The following CNTN5 variants were observed in gnomAD, a reference collection of about 807,000 sequenced individuals.
The protein encoded by CNTN5 is contactin-5.
Under a neutral mutation model 129.1 loss-of-function variants are expected in CNTN5, and 77 were observed. The ratio of observed to expected loss-of-function variants is 0.60; its 90% CI spans 0.50 to 0.72. The LOEUF (loss-of-function observed/expected upper bound fraction) is 0.72. Among genes scored for constraint, CNTN5 ranks in the 30% least tolerant of loss-of-function variants. The pLI is 0.00. For synonymous variants in CNTN5, 509 were observed against 465.6 expected (o/e 1.09, Z -1.20); for missense variants, 1,478 against 1,328.8 (o/e 1.11, Z -1.75).
intron 2 of CNTN5, among the ~76,000 whole-genome samples, chr11:99,377,944 T>C (rs1940288911): frequency 6.6e-6 from 1 of 152,150 alleles, no homozygotes; most frequent in Non-Finnish European, 1.5e-5. Flanking sequence ...CTTGAAAATA[T>C]CTATGAGAAA....
At chr11:99,205,424 TGTGTCTG>T (rs1460869160) in intron 1 of CNTN5, among the ~76,000 whole-genome samples, 4 of 152,100 alleles carry the variant, frequency 2.6e-5, no homozygotes, top group Admixed American at 6.5e-5. Context: ...TCCCCAAGAT[TGTGTCTG>T]CTGTAGCAAT....
chr11:100,281,959 T>A (rs1950649045), intron 18 of CNTN5, among the ~76,000 whole-genome samples: 1 of 152,024 alleles, frequency 6.6e-6, no homozygotes, highest in African/African-American at 2.4e-5. Flanking sequence ...TTTGTTAAAT[T>A]TGTCTGATAG....
At chr11:100,076,418 A>G (rs1944128119) in intron 13 of CNTN5, among the ~76,000 whole-genome samples, 2 of 152,152 alleles carry the variant, frequency 1.3e-5, no homozygotes, top group African/African-American at 4.8e-5. Flanking sequence ...TACCAAAGCA[A>G]AAGTATTGAG....
At chr11:99,161,534 T>A (rs1435083466) in intron 1 of CNTN5, among the ~76,000 whole-genome samples, 1 of 152,078 alleles carries the variant, frequency 6.6e-6, no homozygotes, top group African/African-American at 2.4e-5. Context: ...ATTGCGAGCA[T>A]GGAGAGTTGC....
At chr11:99,086,547 A>G (rs1390509116) in intron 1 of CNTN5, among the ~76,000 whole-genome samples, 1 of 152,174 alleles carries the variant, frequency 6.6e-6, no homozygotes, top group Non-Finnish European at 1.5e-5. Context: ...GCGTGAGCTA[A>G]CTGAAAGAGA....
chr11:99,413,751 C>G (rs972632379), intron 2 of CNTN5, among the ~76,000 whole-genome samples: 18 of 152,258 alleles, frequency 1.2e-4, no homozygotes, highest in African/African-American at 4.3e-4. Context: ...ACACTTGAAA[C>G]TACATACAAT....
intron 6 of CNTN5, among the ~76,000 whole-genome samples, chr11:99,885,365 C>G (rs1425565045): frequency 6.6e-6 from 1 of 152,116 alleles, no homozygotes; most frequent in African/African-American, 2.4e-5. Flanking sequence ...ACAATAATGA[C>G]AAGTAAACTA....
chr11:99,047,912 A>G (rs1864277167), intron 1 of CNTN5, among the ~76,000 whole-genome samples: 2 of 152,070 alleles, frequency 1.3e-5, no homozygotes, highest in Admixed American at 6.6e-5. Context: ...GGACTTTTAC[A>G]TGATTTGTGC....
chr11:99,727,512 T>A (rs2135072580), intron 3 of CNTN5, among the ~76,000 whole-genome samples: 1 of 152,100 alleles, frequency 6.6e-6, no homozygotes, highest in East Asian at 1.9e-4. Flanking sequence ...TATCCCATCC[T>A]TAATTGTTTC....
At chr11:100,208,085 A>G (rs1948952061) in intron 15 of CNTN5, among the ~76,000 whole-genome samples, 1 of 152,168 alleles carries the variant, frequency 6.6e-6, no homozygotes, top group African/African-American at 2.4e-5. Flanking sequence ...AACTACATTT[A>G]AGTATCAATG....
chr11:100,181,735 T>A (rs987428278), intron 13 of CNTN5, among the ~76,000 whole-genome samples: 1 of 151,920 alleles, frequency 6.6e-6, no homozygotes, highest in South Asian at 2.1e-4. Flanking sequence ...CTTACAATTA[T>A]CTCCAAAATG....
intron 3 of CNTN5, among the ~76,000 whole-genome samples, chr11:99,792,627 G>A (rs1175464760): frequency 6.7e-6 from 1 of 149,644 alleles, no homozygotes; most frequent in East Asian, 2.0e-4. Flanking sequence ...GATGATGCTG[G>A]CCTCATGGAA....
intron 15 of CNTN5, among the ~76,000 whole-genome samples, chr11:100,215,117 C>A (rs1949110658): frequency 6.6e-6 from 1 of 152,186 alleles, no homozygotes; most frequent in African/African-American, 2.4e-5. Flanking sequence ...CTGGAAATGT[C>A]TGGCCTTCTC....
At chr11:99,930,996 A>C (rs546427399) in intron 7 of CNTN5, among the ~76,000 whole-genome samples, 2 of 152,246 alleles carry the variant, frequency 1.3e-5, no homozygotes, top group South Asian at 2.1e-4. Flanking sequence ...AAAATGTATA[A>C]ATTATATACT....
At chr11:99,212,546 C>T (rs1193699296) in intron 1 of CNTN5, among the ~76,000 whole-genome samples, 1 of 152,100 alleles carries the variant, frequency 6.6e-6, no homozygotes, top group Non-Finnish European at 1.5e-5. Flanking sequence ...TCCTGCCCAA[C>T]CTTTAGAATT....
At chr11:99,984,972 C>T (rs1938581698) in intron 8 of CNTN5, among the ~76,000 whole-genome samples, 1 of 152,202 alleles carries the variant, frequency 6.6e-6, no homozygotes, top group Non-Finnish European at 1.5e-5. Flanking sequence ...GCTCCAGGTG[C>T]TGGCAGGAGC....
intron 6 of CNTN5, 58 bp from the exon 7 acceptor site, chr11:99,915,996 A>G (rs1276053751): frequency 2.3e-6 from 3 of 1,318,096 alleles, no homozygotes; most frequent in African/African-American, 1.4e-5. Flanking sequence ...AGTTACAATC[A>G]TAGCAATTCT....
At chr11:99,132,608 C>A (rs545675313) in intron 1 of CNTN5, among the ~76,000 whole-genome samples, 58 of 152,082 alleles carry the variant, frequency 3.8e-4, no homozygotes, top group African/African-American at 1.4e-3. Flanking sequence ...TATACACCAA[C>A]AACAGGCAAG....
intron 3 of CNTN5, among the ~76,000 whole-genome samples, chr11:99,715,899 C>T (rs1039232184): frequency 5.9e-5 from 9 of 151,698 alleles, no homozygotes; most frequent in Non-Finnish European, 1.3e-4. Flanking sequence ...CATTGATTTC[C>T]ATATATTATT....
Sources: allele counts gnomAD v4.1 joint callset (sites outside exome capture counted in the v4.1 genomes callset), GRCh38; gene constraint gnomAD v4.1.1; transcripts MANE v1.5; gene names NCBI Gene and HGNC (gene_info 2026-07-23, HGNC 2026-07-21).